PRKCE: variants seen among roughly 807,000 people sequenced by gnomAD.
PRKCE encodes protein kinase C epsilon type.
A neutral mutation model predicts 85.4 loss-of-function variants in PRKCE; 16 were observed. That is an observed-to-expected ratio of 0.19 (90% CI 0.13 to 0.28). The LOEUF is 0.28. Among genes scored for constraint, PRKCE ranks in the 10% least tolerant of loss-of-function variants. The pLI is 1.00. For missense variants in PRKCE, 573 were observed against 975.2 expected, an observed-to-expected ratio of 0.59 and a Z score of 5.49; for synonymous variants, 388 against 371.5, an observed-to-expected ratio of 1.04 and a Z score of -0.51.
At chr2:46,164,497 C>A (rs561642086) in intron 14 of PRKCE, among the ~76,000 whole-genome samples, 8 of 152,370 alleles carry the variant, frequency 5.3e-5, no homozygotes, top group African/African-American at 1.9e-4. Context: ...CCAAGCCATG[C>A]CCTTTTGGCA....
intron 12 of PRKCE, among the ~76,000 whole-genome samples, chr2:46,146,616 G>C (rs1189187276): frequency 6.6e-6 from 1 of 152,192 alleles, no homozygotes; most frequent in Non-Finnish European, 1.5e-5. Context: ...AAAACAACAG[G>C]ATTGGAACGG....
rs138256090 is a variant in PRKCE, at chr2:45,912,540, A to G, written c.413-63889A>G. On this transcript the variant is annotated intron_variant, in intron 2 of 14. Coordinates refer to ENST00000306156, the MANE Select transcript of PRKCE (RefSeq NM_005400.3). Reference sequence around the variant, plus strand: ...GGGGAAGGCTGAGGCTCACAGCTGGAGCCTTCATCAGAGGAGAAGGCTTCT... The same window carrying G: ...GGGGAAGGCTGAGGCTCACAGCTGGGGCCTTCATCAGAGGAGAAGGCTTCT... 1.5e-3 allele frequency among the ~76,000 whole-genome samples: 227 copies of G among 152,234 alleles called. 2 individuals carry two copies. Among genetic ancestry groups the G allele is most frequent in the Admixed American group, 3.5e-3 (53 of 15,300 alleles).
At chr2:46,023,852 C>T (rs1280896887) in intron 10 of PRKCE, among the ~76,000 whole-genome samples, 1 of 151,550 alleles carries the variant, frequency 6.6e-6, no homozygotes, top group Admixed American at 6.6e-5. Flanking sequence ...CCTTCAATTT[C>T]AGGGTCATCT....
At position 45,942,511 on chromosome 2, in the gene PRKCE, C is replaced by A. The variant is rs116166407; in HGVS notation, c.413-33918C>A. Among the ~76,000 whole-genome samples the A allele has an allele frequency of 3.9e-3, 595 of 152,308 alleles. 7 individuals are homozygous for A. The highest frequency in any genetic ancestry group is 0.014 in the African/African-American group (574 of 41,554). ...TGACATGTCATATATGAGGAACGTG[C>A]AGCCGTTGTGATGTGAAAGGTCCCT... On this transcript the variant is annotated intron_variant, in intron 2 of 14. Coordinates refer to ENST00000306156, the MANE Select transcript of PRKCE (RefSeq NM_005400.3).
intron 2 of PRKCE, chr2:45,845,373 GTATT>G (rs1450437448): frequency 2.3e-5 from 2 of 87,700 alleles, no homozygotes; most frequent in African/African-American, 4.1e-5. Context: ...TGTGGACTAA[GTATT>G]TTTTTTTTTT....
rs1285075159 is a variant in PRKCE, at chr2:46,155,732, A to G, written c.1921-3874A>G. On this transcript the variant is annotated intron_variant, in intron 13 of 14. Transcript: ENST00000306156. This position sits in a 1 kb window ranked among gnomAD's most constrained non-coding sequence, Gnocchi z 4.7. ...GGGGTGCAATCCCTCTCTCCCCATC[A>G]CAGCTAGTCATCAAGTCCGTTCCCC... is the stretch of plus-strand genomic sequence containing the variant. 6.6e-6 allele frequency among the ~76,000 whole-genome samples: 1 copy of G among 152,036 alleles called. No homozygotes were observed. The highest frequency in any genetic ancestry group is 6.5e-5 in the Admixed American group (1 of 15,272).
intron 1 of PRKCE, among the ~76,000 whole-genome samples, chr2:45,768,251 A>G (rs1206647836): frequency 1.3e-5 from 2 of 152,372 alleles, no homozygotes; most frequent in East Asian, 3.9e-4. Flanking sequence ...AAAAGCTGTT[A>G]CAGTGCTAAA....
intron 1 of PRKCE, among the ~76,000 whole-genome samples, chr2:45,802,052 A>T (rs1042112540): frequency 3.3e-5 from 5 of 151,684 alleles, no homozygotes; most frequent in African/African-American, 1.2e-4. Flanking sequence ...GAGTTCAAGA[A>T]CAACCTGGGC....
At chr2:45,931,724 TGAGA>T (rs58993200) in intron 2 of PRKCE, among the ~76,000 whole-genome samples, 2 of 152,150 alleles carry the variant, frequency 1.3e-5, no homozygotes, top group Non-Finnish European at 2.9e-5. Context: ...TTTTTTTTTT[TGAGA>T]GAGAGTCTTG....
At chr2:46,165,546 T>C (rs1026243254) in intron 14 of PRKCE, among the ~76,000 whole-genome samples, 9 of 152,226 alleles carry the variant, frequency 5.9e-5, no homozygotes, top group Admixed American at 2.6e-4. Context: ...GTCTATCCCA[T>C]TGGGGATTTC....
intron 2 of PRKCE, among the ~76,000 whole-genome samples, chr2:45,877,675 T>C (rs920401326): frequency 6.6e-6 from 1 of 152,256 alleles, no homozygotes; most frequent in Non-Finnish European, 1.5e-5. Context: ...TAAGTGTGGC[T>C]ATTTCATAGT....
At chr2:45,731,856 T>C (rs1233556804) in intron 1 of PRKCE, among the ~76,000 whole-genome samples, 1 of 152,012 alleles carries the variant, frequency 6.6e-6, no homozygotes, top group Non-Finnish European at 1.5e-5. Context: ...GGGCTCAAGG[T>C]ATCCTCCCAA....
In PRKCE at chr2:45,907,187, C is replaced by T. The variant is rs1481126182; in HGVS notation, c.412+64124C>T. On this transcript the variant is annotated intron_variant, in intron 2 of 14. Transcript: ENST00000306156. The surrounding 1 kb of genome is among the most constrained non-coding windows in gnomAD (Gnocchi z 4.5). ...TCAGGCCAGTGATGGAAAGAAAGCC[C>T]GAGAGAAGAGAAAAATGAAGCTTTA... is the stretch of plus-strand genomic sequence containing the variant. 3.3e-5 allele frequency among the ~76,000 whole-genome samples: 5 copies of T among 151,950 alleles called. No homozygotes were observed. The highest frequency in any genetic ancestry group is 4.4e-5 in the Non-Finnish European group (3 of 68,008).
At chr2:45,917,873 C>T (rs1697934167) in intron 2 of PRKCE, among the ~76,000 whole-genome samples, 1 of 152,050 alleles carries the variant, frequency 6.6e-6, no homozygotes, top group South Asian at 2.1e-4. Context: ...TGGGCCGGCA[C>T]TGCTGGGGGA....
intron 1 of PRKCE, among the ~76,000 whole-genome samples, chr2:45,735,855 T>C (rs1306319104): frequency 6.6e-6 from 1 of 152,084 alleles, no homozygotes; most frequent in Non-Finnish European, 1.5e-5. Context: ...TTGCGGAGGG[T>C]TGTGGAGAAA....
At chr2:45,831,168 T>C (rs60484195) in intron 1 of PRKCE, among the ~76,000 whole-genome samples, 6,435 of 152,192 alleles carry the variant, frequency 0.042, 471 homozygotes, top group African/African-American at 0.14. Flanking sequence ...CCATTTGAAT[T>C]AGATGCTAGG....
At chr2:45,950,722 G>A (rs762106172) in intron 2 of PRKCE, among the ~76,000 whole-genome samples, 17 of 152,072 alleles carry the variant, frequency 1.1e-4, no homozygotes, top group Non-Finnish European at 1.3e-4. Flanking sequence ...ATCAAGGGGC[G>A]GGGTGCAGAT....
At chr2:45,795,396 C>A (rs1687356793) in intron 1 of PRKCE, among the ~76,000 whole-genome samples, 1 of 152,154 alleles carries the variant, frequency 6.6e-6, no homozygotes, top group African/African-American at 2.4e-5. Context: ...GCAACCTCCG[C>A]CTCCCGGGTT....
intron 2 of PRKCE, among the ~76,000 whole-genome samples, chr2:45,861,113 C>A (rs1304893161): frequency 6.6e-6 from 1 of 152,110 alleles, no homozygotes; most frequent in Admixed American, 6.5e-5. Context: ...AGTGGGGAGG[C>A]TTGCTTCCTA....
Sources: gnomAD v4.1 joint callset for allele counts (sites outside exome capture counted in the v4.1 genomes callset) on GRCh38, gnomAD v4.1.1 for gene constraint, Gnocchi (gnomAD v3.1) non-coding constraint, MANE v1.5 for transcripts, NCBI Gene and HGNC (gene_info 2026-07-23, HGNC 2026-07-21) for gene names.